The following SLC27A4 variants were observed in gnomAD, a reference collection of about 807,000 sequenced individuals.
SLC27A4 encodes the protein solute carrier family 27 member 4.
A neutral mutation model predicts 64.4 loss-of-function variants in SLC27A4; 33 were observed. The observed-to-expected ratio is 0.51, with a 90% confidence interval of 0.39 to 0.68. SLC27A4 has a LOEUF of 0.68. SLC27A4 is among the 30% of genes least tolerant of loss of function. The probability of loss-of-function intolerance (pLI) is 0.00; values close to 1 mark genes in which losing one functional copy is unlikely to be tolerated. For missense variants in SLC27A4, 824 were observed against 883.5 expected (o/e 0.93, Z 0.85); for synonymous variants, 377 against 370.0 (o/e 1.02, Z -0.22).
Position 128,359,927 on chromosome 9 carries a change from C to T in SLC27A4, c.1775-407C>T, listed in dbSNP as rs540934653. On this transcript the variant is annotated intron_variant, in intron 12 of 12. Transcript: ENST00000300456. ...CGTCCGTGTTAGAATCCAGAGAATA[C>T]GGTTGAGCACCTGCCTTATGGGGCT... Among the ~76,000 whole-genome samples the T allele has an allele frequency of 2.6e-4, 40 of 152,308 alleles. No individual in the cohort carries two copies. In the South Asian group the frequency reaches 7.2e-3, roughly 28 times the overall value.
rs758614110 is a variant in SLC27A4, at chr9:128,352,680, C to T, written c.920C>T (p.Thr307Met). The part of the protein sequence containing the change: ...GIGQCLLHGM[T>M]VVIRKKFSAS... Reference sequence around the variant, plus strand: ...GGCCAGTGCCTGCTGCATGGCATGACGGTGGTGATTCGGAAGAAGTTCTCA... The same window carrying T: ...GGCCAGTGCCTGCTGCATGGCATGATGGTGGTGATTCGGAAGAAGTTCTCA... The change falls in exon 7 of 13, where the codon ACG becomes ATG. Residue 307 changes from threonine (T) to methionine (M), a missense_variant. Coordinates refer to ENST00000300456, the MANE Select transcript of SLC27A4 (RefSeq NM_005094.4). The T allele has an allele frequency of 2.0e-5, 33 of 1,614,028 alleles. No homozygotes were observed. The highest frequency in any genetic ancestry group is 4.0e-5 in the African/African-American group (3 of 74,910).
intron 6 of SLC27A4, among the ~76,000 whole-genome samples, chr9:128,351,328 G>A (rs1832733214): frequency 6.6e-6 from 1 of 151,134 alleles, no homozygotes; most frequent in Non-Finnish European, 1.5e-5. Flanking sequence ...CTGTGAGGCT[G>A]AGGCATGAGA....
Position 128,353,121 on chromosome 9 carries a change from G to A in SLC27A4, c.1084G>A (p.Gly362Ser). ...CCAGGTTCGCATGGCACTAGGCAAT[G>A]GCCTCCGGCAGTCCATCTGGACCAA... Reference protein sequence around the residue: ...QHQVRMALGNGLRQSIWTNFS... With the variant: ...QHQVRMALGNSLRQSIWTNFS... Residue 362 changes from glycine to serine, a missense_variant, in exon 8 of 13, where the codon GGC becomes AGC. Gly to Ser is a moderately conservative substitution (Grantham distance 56). Coordinates refer to ENST00000300456, the MANE Select transcript of SLC27A4 (RefSeq NM_005094.4). This position sits in a 1 kb window ranked among gnomAD's most constrained non-coding sequence, Gnocchi z 4.9. 6.2e-7 allele frequency: 1 copy of A among 1,614,202 alleles called. No homozygotes were observed. The highest frequency in any genetic ancestry group is 8.5e-7 in the Non-Finnish European group (1 of 1,180,022).
At chr9:128,348,123 A>G (rs1832683917) in intron 3 of SLC27A4, among the ~76,000 whole-genome samples, 2 of 150,694 alleles carry the variant, frequency 1.3e-5, no homozygotes, top group South Asian at 2.1e-4. Context: ...TCTGACCCGC[A>G]CTCCTCCCTT....
At chr9:128,349,696 G>T (rs1425488372) in intron 4 of SLC27A4, among the ~76,000 whole-genome samples, 2 of 152,176 alleles carry the variant, frequency 1.3e-5, no homozygotes, top group Non-Finnish European at 2.9e-5. Context: ...GAGTCTGCCT[G>T]TGGAGTTCCT....
At chr9:128,355,278 T>TC in intron 10 of SLC27A4, 88 bp downstream of exon 10, 1 of 1,597,422 alleles carries the variant, frequency 6.3e-7, no homozygotes, top group Admixed American at 1.7e-5. Context: ...TTCCCAGGAC[T>TC]CCCCCAGTCC....
Position 128,353,048 on chromosome 9 carries a change from G to A in SLC27A4, c.1011G>A (p.Leu337=). 1 of 1,613,894 alleles carries A rather than the reference G, an allele frequency of 6.2e-7. No homozygotes were observed. The highest frequency in any genetic ancestry group is 8.5e-7 in the Non-Finnish European group (1 of 1,179,886). Residue 337 remains leucine, a synonymous_variant, in exon 8 of 13, where the codon CTG becomes CTA. Transcript: ENST00000300456. This position sits in a 1 kb window ranked among gnomAD's most constrained non-coding sequence, Gnocchi z 4.9. ...AGATTGTGCAGTACATTGGTGAACT[G>A]TGCCGCTACCTCCTGAACCAGCCAC... is the stretch of plus-strand genomic sequence containing the variant. ...NCTIVQYIGE[L]CRYLLNQPPR... is the part of the protein sequence containing the mutation.
intron 6 of SLC27A4, 128 bp from the exon 7 acceptor site, chr9:128,352,510 G>A: frequency 1.3e-6 from 1 of 765,804 alleles, no homozygotes; most frequent in African/African-American, 1.7e-5. Flanking sequence ...ACCCAAGGCA[G>A]GCAGATGTGA....
Position 128,350,346 on chromosome 9 carries a change from A to G in SLC27A4, c.750A>G (p.Thr250=), listed in dbSNP as rs2131261420. 6.2e-7 allele frequency: 1 copy of G among 1,613,290 alleles called. No homozygotes were observed. The change falls in exon 5 of 13, where the codon ACA becomes ACG. Residue 250 remains threonine, a synonymous_variant. Transcript: ENST00000300456. Reference sequence around the variant, plus strand: ...TCTACATCTACACATCCGGCACCACAGGGCTGCCCAAGGCCGCCATCGTGG... The same window carrying G: ...TCTACATCTACACATCCGGCACCACGGGGCTGCCCAAGGCCGCCATCGTGG... ...KLFYIYTSGT[T]GLPKAAIVVH...
chr9:128,345,400 G>T lies in SLC27A4; in HGVS notation c.407G>T (p.Arg136Leu). 6.2e-7 allele frequency: 1 copy of T among 1,613,748 alleles called. No individual in the cohort carries two copies. Among genetic ancestry groups the T allele is most frequent in the African/African-American group, 1.3e-5 (1 of 75,050 alleles). ...GTGGCTGCCATCTTCATGGAGAACC[G>T]CAATGAGTTCGTGGGCCTATGGCTG... ...GDVAAIFMEN[R>L]NEFVGLWLGM... is the part of the protein sequence containing the mutation. The change falls in exon 3 of 13, where the codon CGC (arginine) becomes CTC (leucine). Residue 136 changes from arginine to leucine, a missense_variant. Transcript: ENST00000300456. The surrounding 1 kb of genome is among the most constrained non-coding windows in gnomAD (Gnocchi z 4.1).
chr9:128,340,822 G>A lies in SLC27A4; in HGVS notation c.-23G>A. 1.5e-6 allele frequency: 1 copy of A among 685,934 alleles called. No homozygotes were observed. The highest frequency in any genetic ancestry group is 2.7e-6 in the Non-Finnish European group (1 of 371,410). The allele number at this position is 685,934 out of a possible 1,614,324, so 42.5% of individuals were successfully genotyped here. On this transcript the variant is annotated 5_prime_UTR_variant, in exon 1 of 13. Transcript: ENST00000300456. ...GCCGCATCTGGACGGGGCGCCGCGC[G>A]GCGGAGCCGACGCCGGGTGAGCATA... is the stretch of plus-strand genomic sequence containing the variant.
intron 6 of SLC27A4, among the ~76,000 whole-genome samples, chr9:128,352,273 C>T (rs954090074): frequency 6.6e-4 from 101 of 152,210 alleles, no homozygotes; most frequent in Admixed American, 3.1e-3. Context: ...CAGTGTCCCA[C>T]GGGGCATCTG....
chr9:128,342,049 T>G (rs1832580226), intron 1 of SLC27A4: 1 of 579,280 alleles, frequency 1.7e-6, no homozygotes, highest in African/African-American at 1.9e-5. Flanking sequence ...CCAGAGGCTC[T>G]TAAGTCAGTA....
chr9:128,358,264 T>C (rs1455057962), intron 12 of SLC27A4, among the ~76,000 whole-genome samples: 1 of 152,196 alleles, frequency 6.6e-6, no homozygotes. Context: ...TGCTTACCTC[T>C]GCAGCACTGT....
intron 2 of SLC27A4, 75 bp downstream of exon 2, chr9:128,343,368 C>T: frequency 1.3e-6 from 2 of 1,559,222 alleles, no homozygotes; most frequent in Non-Finnish European, 8.8e-7. Flanking sequence ...TCTCCCCAGG[C>T]CAGACCTCAT....
Position 128,353,652 on chromosome 9 carries a change from C to A in SLC27A4, c.1324+111C>A. The A allele has an allele frequency of 8.9e-7, 1 of 1,118,850 alleles. No individual in the cohort carries two copies. The highest frequency in any genetic ancestry group is 1.5e-5 in the South Asian group (1 of 67,568). 69.3% of individuals were successfully genotyped at this position (1,118,850 alleles called of 1,614,324 possible). A position where few individuals can be genotyped will look rare whatever the true frequency, so the allele number is the denominator to read the frequency against. Reference sequence around the variant, plus strand: ...CCAGTGGCCATCAGTTATCTCTGCTCTTAGGGTTACAAGTTACTCATTTAT... The same window carrying A: ...CCAGTGGCCATCAGTTATCTCTGCTATTAGGGTTACAAGTTACTCATTTAT... On this transcript the variant is annotated intron_variant, in intron 9 of 12. Transcript: ENST00000300456. This position sits in a 1 kb window ranked among gnomAD's most constrained non-coding sequence, Gnocchi z 4.9.
rs1832888693 is a variant in SLC27A4 at position 128,360,633 on chromosome 9, G to A, written c.*142G>A. 1 of 805,788 alleles carries A rather than the reference G, an allele frequency of 1.2e-6. No individual in the cohort carries two copies. Among genetic ancestry groups the A allele is most frequent in the Non-Finnish European group, 2.0e-6 (1 of 501,972 alleles). 49.9% of individuals were successfully genotyped at this position (805,788 alleles called of 1,614,324 possible). ...AGGTGCTGCCCCTCCATCCAAAACT[G>A]CCAAGTGACTCATTGCCTTCCCAAC... is the stretch of plus-strand genomic sequence containing the variant. On this transcript the variant is annotated 3_prime_UTR_variant, in exon 13 of 13. Coordinates refer to ENST00000300456, the MANE Select transcript of SLC27A4 (RefSeq NM_005094.4).
chr9:128,347,460 C>G (rs1383481179), intron 3 of SLC27A4, among the ~76,000 whole-genome samples: 1 of 152,088 alleles, frequency 6.6e-6, no homozygotes, highest in African/African-American at 2.4e-5. Flanking sequence ...GGCATGGTGG[C>G]TCACGCCTGT....
At chr9:128,352,145 A>C (rs1832746512) in intron 6 of SLC27A4, among the ~76,000 whole-genome samples, 1 of 151,698 alleles carries the variant, frequency 6.6e-6, no homozygotes, top group Admixed American at 6.6e-5. Flanking sequence ...CAGTGAGCCG[A>C]GATGGCATCA....
Sources: gnomAD v4.1 joint callset for allele counts (sites outside exome capture counted in the v4.1 genomes callset) on GRCh38, gnomAD v4.1.1 for gene constraint, Gnocchi (gnomAD v3.1) non-coding constraint, MANE v1.5 for transcripts, NCBI Gene and HGNC (gene_info 2026-07-23, HGNC 2026-07-21) for gene names.